The following CLIP2 variants were observed in gnomAD, a reference collection of about 807,000 sequenced individuals.
CLIP2 encodes CAP-Gly domain-containing linker protein 2.
CLIP2 carries 41 observed loss-of-function variants against 111.7 expected under a neutral mutation model. The observed-to-expected ratio is 0.37, with a 90% confidence interval of 0.29 to 0.48. The LOEUF is 0.48. Ranked by LOEUF, CLIP2 falls within the 20% of genes least tolerant of loss-of-function variation. The pLI is 0.99. For synonymous variants in CLIP2, 660 were observed against 644.2 expected (o/e 1.02, Z -0.37); for missense variants, 1,160 against 1,422.1 (o/e 0.82, Z 2.96).
At chr7:74,333,485 AT>A (rs1584334305) in intron 2 of CLIP2, among the ~76,000 whole-genome samples, 1 of 111,366 alleles carries the variant, frequency 9.0e-6, no homozygotes, top group Admixed American at 9.1e-5. Context: ...TGCCCAGCCT[AT>A]TTTAATTCTT....
At chr7:74,347,827 A>C (rs535197032) in intron 3 of CLIP2, among the ~76,000 whole-genome samples, 2 of 152,338 alleles carry the variant, frequency 1.3e-5, no homozygotes, top group South Asian at 4.1e-4. Flanking sequence ...TCACAGAAAT[A>C]AGAAACTGCA....
chr7:74,330,959 C>T (rs1409187380), intron 2 of CLIP2, among the ~76,000 whole-genome samples: 1 of 151,920 alleles, frequency 6.6e-6, no homozygotes, highest in African/African-American at 2.4e-5. Context: ...AATCCTAGCA[C>T]TTTGGGAGGC....
At chr7:74,375,249 T>A (rs1424611011) in intron 9 of CLIP2, among the ~76,000 whole-genome samples, 1 of 146,350 alleles carries the variant, frequency 6.8e-6, no homozygotes, top group African/African-American at 2.7e-5. Context: ...GACCCCCGTC[T>A]CTTTTAAAAA....
intron 1 of CLIP2, among the ~76,000 whole-genome samples, chr7:74,312,339 G>C (rs1788662882): frequency 1.3e-5 from 2 of 152,092 alleles, no homozygotes; most frequent in South Asian, 2.1e-4. Context: ...GGCCCTGGTG[G>C]GGGGGCGGGG....
At chr7:74,311,983 C>T (rs1289313136) in intron 1 of CLIP2, among the ~76,000 whole-genome samples, 4 of 151,154 alleles carry the variant, frequency 2.6e-5, no homozygotes, top group African/African-American at 7.3e-5. Flanking sequence ...TGATGGCTTA[C>T]ACCTGTAATC....
At chr7:74,383,243 C>T (rs1358895593) in intron 11 of CLIP2, among the ~76,000 whole-genome samples, 1 of 151,806 alleles carries the variant, frequency 6.6e-6, no homozygotes, top group East Asian at 1.9e-4. Context: ...TATTTTTTCC[C>T]AAAGGAATAC....
chr7:74,300,836 G>A (rs186943686), intron 1 of CLIP2, among the ~76,000 whole-genome samples: 2 of 152,220 alleles, frequency 1.3e-5, no homozygotes, highest in East Asian at 3.9e-4. Flanking sequence ...CTCCCTTGAC[G>A]GACACATATG....
chr7:74,355,565 G>A lies in CLIP2; in HGVS notation c.804-845G>A, dbSNP rs578044571. On this transcript the variant is annotated intron_variant, in intron 4 of 16. Transcript: ENST00000223398. ...GTTGAGGCTGCAGTGAGCTATGATCGCACCGCTGCACTCCAGCCTGGGTAA... is the reference window on the plus strand; with the variant it reads ...GTTGAGGCTGCAGTGAGCTATGATCACACCGCTGCACTCCAGCCTGGGTAA... Among the ~76,000 whole-genome samples, 52 of 152,150 alleles carry A rather than the reference G, an allele frequency of 3.4e-4. 1 individual carries two copies. In the South Asian group the frequency reaches 0.01, roughly 30 times the overall value.
intron 2 of CLIP2, among the ~76,000 whole-genome samples, chr7:74,325,692 C>T (rs1485507355): frequency 6.6e-6 from 1 of 151,016 alleles, no homozygotes; most frequent in Non-Finnish European, 1.5e-5. Context: ...ATTAGCTGGG[C>T]GTGGTGGCAC....
chr7:74,312,259 T>A (rs229876), intron 1 of CLIP2, among the ~76,000 whole-genome samples: 33 of 152,094 alleles, frequency 2.2e-4, no homozygotes, highest in African/African-American at 7.5e-4. Context: ...ATAAATAAAA[T>A]AATGAAAGTT....
At chr7:74,382,018 T>G in intron 11 of CLIP2, among the ~76,000 whole-genome samples, 1 of 152,202 alleles carries the variant, frequency 6.6e-6, no homozygotes, top group Admixed American at 6.5e-5. Flanking sequence ...TTTGCCAATC[T>G]GAAAGGTAAA....
At chr7:74,347,324 A>G (rs1481641139) in intron 3 of CLIP2, among the ~76,000 whole-genome samples, 12 of 152,278 alleles carry the variant, frequency 7.9e-5, no homozygotes, top group Non-Finnish European at 1.0e-4. Context: ...GCTGGAGTGC[A>G]GTGGTGCGAC....
rs1554313101 is a variant in CLIP2 at position 74,376,845 on chromosome 7, G to C, written c.2421+23G>C. ...CACGTAGGCGCCTGCCCCTCCTGCT[G>C]GGGCGGGAGGGTCGGGCTGGGGAGG... On this transcript the variant is annotated intron_variant, in intron 10 of 16. Transcript: ENST00000223398. This position sits in a 1 kb window ranked among gnomAD's most constrained non-coding sequence, Gnocchi z 7.1. 4 of 1,533,120 alleles carry C rather than the reference G, an allele frequency of 2.6e-6. No individual in the cohort carries two copies. The highest frequency in any genetic ancestry group is 3.5e-6 in the Non-Finnish European group (4 of 1,140,892). The allele number at this position is 1,533,120 out of a possible 1,614,324, so 95.0% of individuals were successfully genotyped here.
intron 13 of CLIP2, among the ~76,000 whole-genome samples, chr7:74,392,032 C>A (rs1791304080): frequency 6.6e-6 from 1 of 151,922 alleles, no homozygotes; most frequent in African/African-American, 2.4e-5. Context: ...CACAGCAAGA[C>A]CCCATCTCTA....
rs143395522 is a variant in CLIP2 at position 74,397,148 on chromosome 7, G to C, written c.2795G>C (p.Arg932Pro). 3 of 1,613,820 alleles carry C rather than the reference G, an allele frequency of 1.9e-6. No homozygotes were observed. The highest frequency in any genetic ancestry group is 1.3e-5 in the African/African-American group (1 of 74,870). ...CCAGGGCCGGAGAGGGACCTGAGCC[G>C]TGAGGTACACAAGGCTGAGTGGCGG... ...HSPGPERDLS[R>P]EVHKAEWRIK... The change falls in exon 14 of 17, where the codon CGT (arginine) becomes CCT (proline). Residue 932 changes from arginine to proline, a missense_variant. Coordinates refer to ENST00000223398, the MANE Select transcript of CLIP2 (RefSeq NM_003388.5).
rs1299315189 is a variant in CLIP2, at chr7:74,389,118, G to A, written c.2579G>A (p.Cys860Tyr). Residue 860 changes from cysteine to tyrosine, a missense_variant, in exon 13 of 17, where the codon TGT (cysteine) becomes TAT (tyrosine). By Grantham distance (194) the Cys-to-Tyr change is radical. Around this residue, in one of 5 missense-constraint regions of CLIP2, gnomAD observed 676 missense variants for 777.8 expected, o/e 0.87. Transcript: ENST00000223398. ...RAQVSALESKCKSGEKKVDAL... is the reference protein window; with the variant it reads ...RAQVSALESKYKSGEKKVDAL... Reference sequence around the variant, plus strand: ...CTGACCCCAGCGCTGGAGAGCAAGTGTAAGTCAGGCGAGAAGAAGGTGGAC... The same window carrying A: ...CTGACCCCAGCGCTGGAGAGCAAGTATAAGTCAGGCGAGAAGAAGGTGGAC... 4 of 1,611,956 alleles carry A rather than the reference G, an allele frequency of 2.5e-6. No individual in the cohort carries two copies. The highest frequency in any genetic ancestry group is 1.1e-5 in the South Asian group (1 of 90,796).
chr7:74,399,553 G>GC (rs1332988634), intron 14 of CLIP2, among the ~76,000 whole-genome samples: 14 of 117,468 alleles, frequency 1.2e-4, no homozygotes, highest in East Asian at 1.1e-3. Flanking sequence ...GGGGGGGGGG[G>GC]GGTGGGGACC....
At chr7:74,337,723 C>G (rs1407032236) in intron 2 of CLIP2, among the ~76,000 whole-genome samples, 1 of 151,982 alleles carries the variant, frequency 6.6e-6, no homozygotes, top group Non-Finnish European at 1.5e-5. Context: ...AGCCTCCTCA[C>G]TAGCTGGGAT....
At chr7:74,391,520 T>C (rs1049358179) in intron 13 of CLIP2, among the ~76,000 whole-genome samples, 1 of 151,940 alleles carries the variant, frequency 6.6e-6, no homozygotes, top group Non-Finnish European at 1.5e-5. Context: ...AGACTAACAA[T>C]TAAAAATCAG....
Sources: gnomAD v4.1 joint callset for allele counts (sites outside exome capture counted in the v4.1 genomes callset) on GRCh38, gnomAD v4.1.1 for gene constraint, gnomAD v4.1.1 regional missense constraint, Gnocchi (gnomAD v3.1) non-coding constraint, MANE v1.5 for transcripts, NCBI Gene and HGNC (gene_info 2026-07-23, HGNC 2026-07-21) for gene names.